PHACTR1: variants seen among roughly 807,000 people sequenced by gnomAD.
The protein encoded by PHACTR1 is phosphatase and actin regulator 1, also known as RPEL repeat containing 1.
A neutral mutation model predicts 69.2 loss-of-function variants in PHACTR1; 16 were observed. The ratio of observed to expected loss-of-function variants is 0.23; its 90% CI spans 0.16 to 0.35. The LOEUF (loss-of-function observed/expected upper bound fraction) is 0.35. Ranked by LOEUF, PHACTR1 falls within the 10% of genes least tolerant of loss-of-function variation. The pLI, the probability that PHACTR1 is intolerant of heterozygous loss-of-function variation, is 1.00. For synonymous variants in PHACTR1, 312 were observed against 284.5 expected, an observed-to-expected ratio of 1.10 and a Z score of -0.97; for missense variants, 510 against 734.7, an observed-to-expected ratio of 0.69 and a Z score of 3.54.
chr6:12,984,203 C>T (rs536127421), intron 4 of PHACTR1, among the ~76,000 whole-genome samples: 1 of 152,336 alleles, frequency 6.6e-6, no homozygotes, highest in South Asian at 2.1e-4. Context: ...TCCTCTCCAG[C>T]ACCTGTTGTT....
At chr6:13,059,458 TCACACACACACACA>T (rs57652223) in intron 5 of PHACTR1, among the ~76,000 whole-genome samples, 95 of 148,246 alleles carry the variant, frequency 6.4e-4, no homozygotes, top group African/African-American at 1.9e-3. Flanking sequence ...AATGTTCTTA[TCACACACACACACA>T]CACACACACA....
chr6:13,004,268 C>T (rs971434074), intron 4 of PHACTR1, among the ~76,000 whole-genome samples: 17 of 151,854 alleles, frequency 1.1e-4, no homozygotes, highest in African/African-American at 3.9e-4. Flanking sequence ...TCTCTGCATC[C>T]TCACCAACAA....
intron 4 of PHACTR1, among the ~76,000 whole-genome samples, chr6:12,959,028 T>C (rs551433264): frequency 3.3e-5 from 5 of 151,806 alleles, no homozygotes; most frequent in African/African-American, 9.7e-5. Flanking sequence ...AATACAAAAA[T>C]TAGCTGGGTG....
chr6:13,224,827 T>G (rs1769321613), intron 8 of PHACTR1, among the ~76,000 whole-genome samples: 1 of 152,208 alleles, frequency 6.6e-6, no homozygotes, highest in African/African-American at 2.4e-5. Flanking sequence ...ATCCGAGTTT[T>G]AGAAAGCCGC....
chr6:12,733,439 C>T (rs572380839), intron 3 of PHACTR1, among the ~76,000 whole-genome samples: 1 of 152,296 alleles, frequency 6.6e-6, no homozygotes. Context: ...CAAAAACTGA[C>T]CGAATACCAC....
intron 4 of PHACTR1, among the ~76,000 whole-genome samples, chr6:12,756,836 G>T (rs1767382308): frequency 6.6e-6 from 1 of 152,122 alleles, no homozygotes; most frequent in Admixed American, 6.5e-5. Flanking sequence ...CAAACACTAG[G>T]TGGTCGAATA....
chr6:12,888,552 A>T (rs1783866759), intron 4 of PHACTR1, among the ~76,000 whole-genome samples: 2 of 152,220 alleles, frequency 1.3e-5, no homozygotes, highest in South Asian at 4.1e-4. Flanking sequence ...CAAGTCATGA[A>T]AATTAGTTTT....
intron 4 of PHACTR1, among the ~76,000 whole-genome samples, chr6:12,868,022 G>T (rs866839347): frequency 6.6e-6 from 1 of 152,136 alleles, no homozygotes; most frequent in Non-Finnish European, 1.5e-5. Flanking sequence ...CACTTTGGGA[G>T]GCCAAGGCGG....
At chr6:13,254,623 G>A (rs1320290603) in intron 10 of PHACTR1, among the ~76,000 whole-genome samples, 1 of 152,144 alleles carries the variant, frequency 6.6e-6, no homozygotes, top group Non-Finnish European at 1.5e-5. Context: ...GTTCCAGCAG[G>A]AAACAGATGG....
chr6:13,252,584 A>G (rs1405368911), intron 10 of PHACTR1, among the ~76,000 whole-genome samples: 2 of 151,862 alleles, frequency 1.3e-5, no homozygotes, highest in African/African-American at 4.8e-5. Context: ...CACTGGTTAG[A>G]CATTCTTAAA....
chr6:12,809,386 T>C (rs1305297572), intron 4 of PHACTR1, among the ~76,000 whole-genome samples: 1 of 152,168 alleles, frequency 6.6e-6, no homozygotes, highest in African/African-American at 2.4e-5. Flanking sequence ...ACAACAGATA[T>C]CACTCATCAA....
At chr6:12,993,510 C>A (rs1409812787) in intron 4 of PHACTR1, among the ~76,000 whole-genome samples, 1 of 152,162 alleles carries the variant, frequency 6.6e-6, no homozygotes. Context: ...TTTCAATTCT[C>A]AATTTAAGGG....
chr6:12,912,486 A>G (rs776904003), intron 4 of PHACTR1, among the ~76,000 whole-genome samples: 2 of 152,124 alleles, frequency 1.3e-5, no homozygotes, highest in Non-Finnish European at 2.9e-5. Context: ...TTTAGTGCAT[A>G]CCTCTAAAGT....
intron 5 of PHACTR1, among the ~76,000 whole-genome samples, chr6:13,140,342 A>G (rs530155347): frequency 6.6e-6 from 1 of 152,318 alleles, no homozygotes; most frequent in African/African-American, 2.4e-5. Flanking sequence ...ATCCATGTAC[A>G]TAGCAGCATT....
chr6:12,870,454 G>T (rs1781917093), intron 4 of PHACTR1, among the ~76,000 whole-genome samples: 1 of 152,056 alleles, frequency 6.6e-6, no homozygotes, highest in Non-Finnish European at 1.5e-5. Flanking sequence ...AGAGGGATTT[G>T]GTAGAATGAT....
intron 4 of PHACTR1, among the ~76,000 whole-genome samples, chr6:12,771,220 T>C (rs943817710): frequency 1.3e-5 from 2 of 152,130 alleles, no homozygotes; most frequent in Non-Finnish European, 2.9e-5. Flanking sequence ...GGAAAATTAA[T>C]TTAGGATTAA....
intron 5 of PHACTR1, among the ~76,000 whole-genome samples, chr6:13,102,746 CTG>C (rs1815381776): frequency 6.6e-6 from 1 of 152,196 alleles, no homozygotes. Flanking sequence ...GTAGTGAAAA[CTG>C]TTCTTATTTT....
chr6:12,752,840 A>G (rs897068525), intron 4 of PHACTR1, among the ~76,000 whole-genome samples: 5 of 152,362 alleles, frequency 3.3e-5, no homozygotes, highest in Non-Finnish European at 5.9e-5. Flanking sequence ...GTCTTTCATC[A>G]ATGTATGAAG....
At chr6:12,989,549 T>C (rs1187234015) in intron 4 of PHACTR1, among the ~76,000 whole-genome samples, 1 of 152,156 alleles carries the variant, frequency 6.6e-6, no homozygotes, top group Admixed American at 6.5e-5. Flanking sequence ...GCAACTCCCA[T>C]ATTGGTGACT....
Sources: gnomAD v4.1 joint callset for allele counts (sites outside exome capture counted in the v4.1 genomes callset) on GRCh38, gnomAD v4.1.1 for gene constraint, MANE v1.5 for transcripts, NCBI Gene and HGNC (gene_info 2026-07-23, HGNC 2026-07-21) for gene names.